LAMB3: variants seen among roughly 807,000 people sequenced by gnomAD.
LAMB3 encodes the protein laminin subunit beta 3, also known as laminin subunit beta-3.
A neutral mutation model predicts 140.3 loss-of-function variants in LAMB3; 104 were observed. The ratio of observed to expected loss-of-function variants is 0.74; its 90% confidence interval spans 0.63 to 0.87. LAMB3 has a LOEUF of 0.87. LAMB3 is among the 40% of genes least tolerant of loss of function. The pLI is 0.00. For synonymous variants in LAMB3, 592 were observed against 602.9 expected (o/e 0.98, Z 0.26); for missense variants, 1,531 against 1,575.2 (o/e 0.97, Z 0.47).
chr1:209,632,845 C>T, intron 7 of LAMB3, 69 bp from the exon 8 acceptor site: 1 of 1,469,200 alleles, frequency 6.8e-7, no homozygotes, highest in Non-Finnish European at 9.5e-7. Flanking sequence ...GTTAGAGGCA[C>T]ATAGAGTCTC....
chr1:209,618,294 G>C (rs1284399168), intron 19 of LAMB3, among the ~76,000 whole-genome samples, 158 bp downstream of exon 19: 1 of 152,202 alleles, frequency 6.6e-6, no homozygotes, highest in Non-Finnish European at 1.5e-5. Flanking sequence ...TGCAAATTAA[G>C]TTTAACCTGC....
At position 209,632,595 on chromosome 1, in the gene LAMB3, G is replaced by C; in HGVS notation, c.810C>G (p.Ser270=). Reference sequence around the variant, plus strand: ...CCTAGGCTGTTACCTGCACAGCGGTGGAGGGGCCTGCAGAGGCCCCAGGCT... The same window carrying C: ...CCTAGGCTGTTACCTGCACAGCGGTCGAGGGGCCTGCAGAGGCCCCAGGCT... ...APKPGASAGP[S]TAVQVHDVCV... The change falls in exon 8 of 23, where the codon TCC becomes TCG. Residue 270 remains serine, a synonymous_variant. Coordinates refer to ENST00000356082, the MANE Select transcript of LAMB3 (RefSeq NM_000228.3). 6.2e-7 allele frequency: 1 copy of C among 1,613,796 alleles called. No individual in the cohort carries two copies. The highest frequency in any genetic ancestry group is 8.5e-7 in the Non-Finnish European group (1 of 1,179,692).
At chr1:209,636,570 A>G (rs780533272) in intron 5 of LAMB3, among the ~76,000 whole-genome samples, 1 of 152,078 alleles carries the variant, frequency 6.6e-6, no homozygotes, top group African/African-American at 2.4e-5. Context: ...ATCTCGCAGC[A>G]GTCTTCAGCC....
intron 13 of LAMB3, among the ~76,000 whole-genome samples, chr1:209,626,441 A>G (rs1290481133): frequency 1.3e-5 from 2 of 152,216 alleles, no homozygotes; most frequent in African/African-American, 4.8e-5. Context: ...TGGGACCACA[A>G]TCTGGTCTGC....
At chr1:209,634,419 C>T (rs763332736) in intron 6 of LAMB3, 28 bp downstream of exon 6, 16 of 1,607,434 alleles carry the variant, frequency 1.0e-5, no homozygotes, top group Non-Finnish European at 1.4e-5. Context: ...TCTCCCCAGG[C>T]CTACTTTTCA....
chr1:209,618,317 G>A, intron 19 of LAMB3, 135 bp downstream of exon 19: 1 of 965,162 alleles, frequency 1.0e-6, no homozygotes, highest in South Asian at 1.4e-5. Context: ...TCTGGACTCT[G>A]TGTACCACTC....
At chr1:209,638,007 T>C in intron 4 of LAMB3, 26 bp from the exon 5 acceptor site, 1 of 1,590,042 alleles carries the variant, frequency 6.3e-7, no homozygotes, top group Non-Finnish European at 8.6e-7. Flanking sequence ...ATAGAAACTG[T>C]CATCCAGAGA....
At chr1:209,618,753 C>T in intron 18 of LAMB3, 94 bp from the exon 19 acceptor site, 1 of 1,196,886 alleles carries the variant, frequency 8.4e-7, no homozygotes, top group South Asian at 1.3e-5. Context: ...GGAAGGCACC[C>T]ACAGTGGCCC....
chr1:209,623,824 G>A lies in LAMB3; in HGVS notation c.2137+16C>T. 3 of 1,614,170 alleles carry A rather than the reference G, an allele frequency of 1.9e-6. No homozygotes were observed. Among genetic ancestry groups the A allele is most frequent in the Middle Eastern group, 1.7e-4 (1 of 6,060 alleles). ...AGTGCCCATGCCCGGGGTTATCCGG[G>A]TGCCCCTCTCCTCACCTGAAGGATC... is the stretch of plus-strand genomic sequence containing the variant. On this transcript the variant is annotated intron_variant, in intron 15 of 22. Coordinates refer to ENST00000356082, the MANE Select transcript of LAMB3 (RefSeq NM_000228.3). The surrounding 1 kb of genome is among the most constrained non-coding windows in gnomAD (Gnocchi z 4.2).
chr1:209,650,797 C>T (rs2076559794), intron 2 of LAMB3, 120 bp downstream of exon 2: 1 of 955,462 alleles, frequency 1.0e-6, no homozygotes, highest in Non-Finnish European at 1.7e-6. Context: ...ACAAGTATTC[C>T]CAACTGAAGG....
intron 9 of LAMB3, 194 bp downstream of exon 9, chr1:209,630,421 A>T: frequency 1.5e-6 from 1 of 648,520 alleles, no homozygotes; most frequent in Non-Finnish European, 2.6e-6. Flanking sequence ...AGCTGGGGAC[A>T]GTGGGAGGAT....
At chr1:209,642,426 CT>C (rs1009597271) in intron 3 of LAMB3, among the ~76,000 whole-genome samples, 3 of 152,028 alleles carry the variant, frequency 2.0e-5, no homozygotes, top group Non-Finnish European at 4.4e-5. Flanking sequence ...TCATAGATAA[CT>C]TTTTTTCCTT....
intron 14 of LAMB3, among the ~76,000 whole-genome samples, chr1:209,624,840 A>G (rs1666356631): frequency 6.6e-6 from 1 of 151,192 alleles, no homozygotes; most frequent in Non-Finnish European, 1.5e-5. Flanking sequence ...TTGTTTCATC[A>G]TAGATGCTCT....
chr1:209,626,886 G>A lies in LAMB3; in HGVS notation c.1578C>T (p.Asp526=), dbSNP rs567151867. 2.7e-5 allele frequency: 44 copies of A among 1,613,752 alleles called. 1 individual carries two copies. In the South Asian group the frequency reaches 3.8e-4, roughly 14 times the overall value. ...ATGCACCTCGGCATCCTGTGGCCAC[G>A]TCTCCATAGGTCCGGTCTGGACACT... The part of the protein sequence containing the change: ...IRQCPDRTYG[D]VATGCRACDC... Residue 526 remains aspartate, a synonymous_variant, in exon 13 of 23, where the codon GAC becomes GAT. Transcript: ENST00000356082.
chr1:209,632,864 G>A, intron 7 of LAMB3, 88 bp from the exon 8 acceptor site: 1 of 1,330,304 alleles, frequency 7.5e-7, no homozygotes, highest in South Asian at 1.2e-5. Flanking sequence ...TCCTTCATAT[G>A]TGATACCGTG....
intron 3 of LAMB3, among the ~76,000 whole-genome samples, chr1:209,647,592 G>A (rs1283684507): frequency 6.6e-6 from 1 of 152,200 alleles, no homozygotes; most frequent in Non-Finnish European, 1.5e-5. Context: ...TGGCTTCAGG[G>A]AAGTGTGTCT....
intron 11 of LAMB3, 89 bp downstream of exon 11, chr1:209,627,946 G>A: frequency 1.3e-6 from 2 of 1,489,934 alleles, no homozygotes; most frequent in East Asian, 4.9e-5. Context: ...GATTTCCTCT[G>A]AAGAGAGCAC....
chr1:209,638,445 G>A (rs768672122), intron 4 of LAMB3, 89 bp downstream of exon 4: 6 of 859,024 alleles, frequency 7.0e-6, no homozygotes, highest in South Asian at 1.3e-5. Flanking sequence ...GAAATGCCTG[G>A]GAAACCCAAA....
In LAMB3 at chr1:209,626,898, C is replaced by G. The variant is rs746121545; in HGVS notation, c.1566G>C (p.Arg522=). The G allele has an allele frequency of 6.8e-6, 11 of 1,613,936 alleles. No individual in the cohort carries two copies. In the South Asian group the frequency reaches 1.1e-4, roughly 16 times the overall value. ...SAAAIRQCPD[R]TYGDVATGCR... ...ATCCTGTGGCCACGTCTCCATAGGT[C>G]CGGTCTGGACACTGGCGGATGGCTG... Residue 522 remains arginine (R), a synonymous_variant, in exon 13 of 23, where the codon CGG becomes CGC. Transcript: ENST00000356082.
Sources: allele counts gnomAD v4.1 joint callset (sites outside exome capture counted in the v4.1 genomes callset), GRCh38; gene constraint gnomAD v4.1.1; non-coding constraint Gnocchi (gnomAD v3.1); transcripts MANE v1.5; gene names NCBI Gene and HGNC (gene_info 2026-07-23, HGNC 2026-07-21).